Variants in FARS2 observed in about 807,000 individuals in gnomAD.
FARS2 encodes the protein phenylalanine--tRNA ligase, mitochondrial.
In FARS2, 40 loss-of-function variants were observed where a neutral mutation model predicts 46.4. That is an observed-to-expected ratio of 0.86 (90% confidence interval 0.67 to 1.12). FARS2 has a LOEUF of 1.12. FARS2 is among the 50% of genes most tolerant of loss of function. The probability of loss-of-function intolerance (pLI) is 0.00; values close to 1 mark genes in which losing one functional copy is unlikely to be tolerated. For synonymous variants in FARS2, 234 were observed against 214.9 expected (o/e 1.09, Z -0.78); for missense variants, 513 against 567.9 (o/e 0.90, Z 0.98).
intron 6 of FARS2, among the ~76,000 whole-genome samples, chr6:5,710,012 C>T (rs1305862064): frequency 6.6e-6 from 1 of 152,166 alleles, no homozygotes; most frequent in South Asian, 2.1e-4. Context: ...GGGCCATTTT[C>T]ATTTAAAACC....
chr6:5,391,938 T>C lies in FARS2; in HGVS notation c.613-12604T>C, dbSNP rs533988128. Among the ~76,000 whole-genome samples, 21 of 152,340 alleles carry C rather than the reference T, an allele frequency of 1.4e-4. No individual in the cohort carries two copies. The South Asian group carries it at 4.4e-3, about 32-fold the overall frequency. Reference sequence around the variant, plus strand: ...GTTGTAGTTGGGGTTGAATTTGTATTCTGGGTCATTTGGATTTGCACAAGG... The same window carrying C: ...GTTGTAGTTGGGGTTGAATTTGTATCCTGGGTCATTTGGATTTGCACAAGG... On this transcript the variant is annotated intron_variant, in intron 2 of 6. Transcript: ENST00000274680.
the FARS2 span, among the ~76,000 whole-genome samples, chr6:5,250,639 G>A: frequency 1.3e-5 from 2 of 152,210 alleles, no homozygotes; most frequent in East Asian, 1.9e-4. Context: ...GTGGAGCATT[G>A]TTGAAGAGGT....
chr6:5,723,750 T>G (rs1760062527), intron 6 of FARS2, among the ~76,000 whole-genome samples: 1 of 152,246 alleles, frequency 6.6e-6, no homozygotes, highest in African/African-American at 2.4e-5. Flanking sequence ...GGATGGTATT[T>G]TTATCTTATA....
At chr6:5,559,285 G>A (rs1771854787) in intron 5 of FARS2, among the ~76,000 whole-genome samples, 1 of 152,084 alleles carries the variant, frequency 6.6e-6, no homozygotes, top group African/African-American at 2.4e-5. Flanking sequence ...TGCACCTGTG[G>A]TACCAGCTGC....
intron 3 of FARS2, among the ~76,000 whole-genome samples, chr6:5,410,423 A>G (rs1761879386): frequency 6.6e-6 from 1 of 151,906 alleles, no homozygotes; most frequent in Non-Finnish European, 1.5e-5. Flanking sequence ...TGGACACCCA[A>G]AGTGCTGGGA....
At chr6:5,576,440 C>T (rs1772967172) in intron 5 of FARS2, among the ~76,000 whole-genome samples, 1 of 152,024 alleles carries the variant, frequency 6.6e-6, no homozygotes, top group Non-Finnish European at 1.5e-5. Context: ...ACTCCAAGTT[C>T]TACAGTTTTG....
chr6:5,413,589 C>G (rs1470740388), intron 3 of FARS2, among the ~76,000 whole-genome samples: 1 of 152,202 alleles, frequency 6.6e-6, no homozygotes, highest in African/African-American at 2.4e-5. Context: ...TCTTCTAGCT[C>G]TACTAAGGAA....
At chr6:5,637,111 C>G (rs1483595495) in intron 6 of FARS2, among the ~76,000 whole-genome samples, 1 of 152,246 alleles carries the variant, frequency 6.6e-6, no homozygotes, top group East Asian at 1.9e-4. Flanking sequence ...GCATACAGCC[C>G]TCCCGGCCTC....
At chr6:5,580,841 A>G (rs1773289502) in intron 5 of FARS2, among the ~76,000 whole-genome samples, 1 of 152,198 alleles carries the variant, frequency 6.6e-6, no homozygotes, top group Non-Finnish European at 1.5e-5. Flanking sequence ...CTCTGTTACC[A>G]TTTGTGGATA....
At chr6:5,382,241 G>T (rs1483831266) in intron 2 of FARS2, among the ~76,000 whole-genome samples, 1 of 152,214 alleles carries the variant, frequency 6.6e-6, no homozygotes, top group East Asian at 1.9e-4. Flanking sequence ...AGGGAACTTG[G>T]GTTAACCTTC....
chr6:5,293,816 G>A (rs1767664908), intron 1 of FARS2, among the ~76,000 whole-genome samples: 1 of 152,190 alleles, frequency 6.6e-6, no homozygotes, highest in South Asian at 2.1e-4. Flanking sequence ...CAGTGAAGTG[G>A]CTGTGAAGGC....
chr6:5,771,471 G>C lies in FARS2; in HGVS notation c.*42G>C. The C allele has an allele frequency of 6.4e-7, 1 of 1,572,202 alleles. No individual in the cohort carries two copies. On this transcript the variant is annotated 3_prime_UTR_variant, in exon 7 of 7. Transcript: ENST00000274680. ...AGGCTGCAGCCCTCTTGGGGCTCCA[G>C]GATTTGCTGAAAGAGAAAAAGATAT...
At chr6:5,300,167 C>T (rs1440873008) in intron 1 of FARS2, among the ~76,000 whole-genome samples, 6 of 152,056 alleles carry the variant, frequency 3.9e-5, no homozygotes, top group Admixed American at 3.9e-4. Flanking sequence ...CTCTTAGAGC[C>T]CTCACTGAGG....
At chr6:5,530,320 A>C (rs1276837321) in intron 4 of FARS2, among the ~76,000 whole-genome samples, 1 of 152,170 alleles carries the variant, frequency 6.6e-6, no homozygotes, top group Admixed American at 6.5e-5. Flanking sequence ...ATGTCTTATA[A>C]GATAAAGGAA....
At chr6:5,543,268 C>T (rs1279374262) in intron 4 of FARS2, among the ~76,000 whole-genome samples, 3 of 152,088 alleles carry the variant, frequency 2.0e-5, no homozygotes, top group Non-Finnish European at 4.4e-5. Flanking sequence ...AAGCCTTTTC[C>T]CTCCTGGACT....
rs1776874603 is a variant in FARS2, at chr6:5,642,557, T to TC, written c.1217+29240dup. ...CTTGACATCAGAGCATGCCCTGTCT[T>TC]CCCTCTTGCATATGGAATCTAACCC... On this transcript the variant is annotated intron_variant, in intron 6 of 6. Coordinates refer to ENST00000274680, the MANE Select transcript of FARS2 (RefSeq NM_006567.5). Among the ~76,000 whole-genome samples, 3 of 152,262 alleles carry TC rather than the reference T, an allele frequency of 2.0e-5. No individual in the cohort carries two copies. The South Asian group carries it at 6.2e-4, about 32-fold the overall frequency.
intron 1 of FARS2, among the ~76,000 whole-genome samples, chr6:5,297,359 T>A (rs977017799): frequency 2.0e-5 from 3 of 152,158 alleles, no homozygotes; most frequent in Middle Eastern, 3.2e-3. Flanking sequence ...TTAAAAAAAC[T>A]AATTTTGGCC....
intron 6 of FARS2, among the ~76,000 whole-genome samples, chr6:5,684,464 CCA>C (rs1757023712): frequency 6.6e-6 from 1 of 152,168 alleles, no homozygotes; most frequent in East Asian, 1.9e-4. Context: ...AGGATTTCTG[CCA>C]ACTAAGGTGA....
intron 6 of FARS2, among the ~76,000 whole-genome samples, chr6:5,684,179 T>A (rs2150840883): frequency 6.6e-6 from 1 of 152,256 alleles, no homozygotes; most frequent in Middle Eastern, 3.4e-3. Context: ...TGAATAACGG[T>A]GTCATCATTG....
Sources: gnomAD v4.1 joint callset for allele counts (sites outside exome capture counted in the v4.1 genomes callset) on GRCh38, gnomAD v4.1.1 for gene constraint, MANE v1.5 for transcripts, NCBI Gene and HGNC (gene_info 2026-07-23, HGNC 2026-07-21) for gene names.